The following DISC1 variants were observed in gnomAD, a reference collection of about 807,000 sequenced individuals.
DISC1 encodes DISC1 scaffold protein.
Under a neutral mutation model 84.5 loss-of-function variants are expected in DISC1, and 57 were observed. The ratio of observed to expected loss-of-function variants is 0.67; its 90% confidence interval spans 0.55 to 0.84. The LOEUF (loss-of-function observed/expected upper bound fraction) is 0.84. Ranked by LOEUF, DISC1 falls within the 40% of genes least tolerant of loss-of-function variation. DISC1 has a pLI of 0.00. For synonymous variants in DISC1, 411 were observed against 415.2 expected (o/e 0.99, Z 0.12); for missense variants, 1,000 against 1,057.8 (o/e 0.95, Z 0.76).
At chr1:231,652,254 T>A (rs760906064) in intron 1 of DISC1, among the ~76,000 whole-genome samples, 1 of 152,248 alleles carries the variant, frequency 6.6e-6, no homozygotes, top group Non-Finnish European at 1.5e-5. Flanking sequence ...TATACATGAA[T>A]GAGAATAACT....
chr1:231,810,660 T>C lies in DISC1; in HGVS notation c.1793-7669T>C, dbSNP rs78294393. 5.9e-3 allele frequency among the ~76,000 whole-genome samples: 897 copies of C among 152,090 alleles called. 8 individuals carry two copies. Among genetic ancestry groups the C allele is most frequent in the African/African-American group, 0.021 (866 of 41,500 alleles). On this transcript the variant is annotated intron_variant, in intron 8 of 12. Transcript: ENST00000439617. ...GGCGAAGGCTTCAGGTGTGCCCTGA[T>C]TGGAGGTTATCAATGCGGGGAAGCT...
chr1:231,909,414 A>G (rs1464180284), intron 9 of DISC1, among the ~76,000 whole-genome samples: 2 of 152,212 alleles, frequency 1.3e-5, no homozygotes, highest in Non-Finnish European at 2.9e-5. Flanking sequence ...CCTTTTCTGC[A>G]TCTATTGAGA....
intron 9 of DISC1, among the ~76,000 whole-genome samples, chr1:231,882,665 A>T (rs1381436845): frequency 2.0e-5 from 3 of 152,132 alleles, no homozygotes; most frequent in Admixed American, 2.0e-4. Flanking sequence ...AAGGCTTTCA[A>T]GTTTTTAGGT....
intron 9 of DISC1, among the ~76,000 whole-genome samples, chr1:231,933,049 A>T (rs1014110525): frequency 2.0e-5 from 3 of 152,252 alleles, no homozygotes; most frequent in African/African-American, 7.2e-5. Flanking sequence ...TGTTGAGGAT[A>T]AAAATGATGA....
chr1:231,904,242 C>G (rs945669258), intron 9 of DISC1, among the ~76,000 whole-genome samples: 5 of 152,200 alleles, frequency 3.3e-5, no homozygotes, highest in African/African-American at 4.8e-5. Flanking sequence ...TTGTTCCAGG[C>G]CAGACTTCCT....
chr1:231,761,567 G>A (rs1389772101), intron 4 of DISC1, among the ~76,000 whole-genome samples: 1 of 152,152 alleles, frequency 6.6e-6, no homozygotes, highest in Non-Finnish European at 1.5e-5. Flanking sequence ...ATTAAGTAAT[G>A]AATGTGATTA....
At chr1:231,671,092 A>G (rs2125456841) in intron 1 of DISC1, among the ~76,000 whole-genome samples, 1 of 152,290 alleles carries the variant, frequency 6.6e-6, no homozygotes, top group South Asian at 2.1e-4. Context: ...AGAATCAGTC[A>G]GGATTCATTC....
intron 9 of DISC1, among the ~76,000 whole-genome samples, chr1:231,912,647 C>G (rs907168610): frequency 1.9e-4 from 29 of 152,202 alleles, no homozygotes; most frequent in African/African-American, 7.0e-4. Context: ...CTTGAGGAGG[C>G]AGTCTGTCTG....
At chr1:231,777,363 G>C (rs1391145389) in intron 6 of DISC1, among the ~76,000 whole-genome samples, 1 of 152,038 alleles carries the variant, frequency 6.6e-6, no homozygotes, top group Non-Finnish European at 1.5e-5. Flanking sequence ...TAGGATTATA[G>C]GTGCATGTCA....
chr1:231,699,417 T>C (rs1376110735), intron 2 of DISC1, among the ~76,000 whole-genome samples: 2 of 152,070 alleles, frequency 1.3e-5, no homozygotes, highest in African/African-American at 4.8e-5. Flanking sequence ...ATTCTTCCAG[T>C]GGGTCAGAAA....
intron 10 of DISC1, among the ~76,000 whole-genome samples, chr1:231,965,343 C>T (rs1660939293): frequency 6.6e-6 from 1 of 152,012 alleles, no homozygotes; most frequent in Non-Finnish European, 1.5e-5. Flanking sequence ...CAATTTCCAC[C>T]TGTTTTAGGA....
chr1:232,005,824 G>A (rs761978216), intron 10 of DISC1, among the ~76,000 whole-genome samples: 4 of 152,142 alleles, frequency 2.6e-5, no homozygotes, highest in Non-Finnish European at 5.9e-5. Context: ...CAGCAGATTC[G>A]AGACAGTAGA....
chr1:231,851,443 C>G (rs78193553), intron 9 of DISC1, among the ~76,000 whole-genome samples: 1,569 of 152,312 alleles, frequency 0.01, 22 homozygotes, highest in African/African-American at 0.036. Flanking sequence ...ACAGTCAGCC[C>G]TGAGCAGCAG....
intron 3 of DISC1, among the ~76,000 whole-genome samples, chr1:231,709,392 G>A (rs1277019036): frequency 6.6e-6 from 1 of 151,994 alleles, no homozygotes; most frequent in Non-Finnish European, 1.5e-5. Context: ...TTTGCATCTG[G>A]GTACACGCTT....
Position 231,774,360 on chromosome 1 carries a change from A to G in DISC1, c.1634+3290A>G, listed in dbSNP as rs2076794403. 2.6e-5 allele frequency among the ~76,000 whole-genome samples: 4 copies of G among 152,200 alleles called. No individual in the cohort carries two copies. In the South Asian group the frequency reaches 8.3e-4, roughly 31 times the overall value. ...ACCTGGACAATCTAATGACTAGTTA[A>G]TAACATGACCTTTTTCTCCTGCGAT... On this transcript the variant is annotated intron_variant, in intron 6 of 12. Transcript: ENST00000439617.
intron 9 of DISC1, among the ~76,000 whole-genome samples, chr1:231,953,201 C>T (rs769250002): frequency 3.9e-5 from 6 of 152,188 alleles, no homozygotes; most frequent in African/African-American, 9.7e-5. Flanking sequence ...ATTGATATCA[C>T]GCGTGTCCCC....
intron 9 of DISC1, among the ~76,000 whole-genome samples, chr1:231,834,880 G>A (rs571144693): frequency 2.6e-5 from 4 of 152,332 alleles, no homozygotes; most frequent in African/African-American, 9.6e-5. Flanking sequence ...ACATCCCCGT[G>A]TGATTAAACA....
At chr1:231,945,698 A>G (rs1172995953) in intron 9 of DISC1, among the ~76,000 whole-genome samples, 1 of 152,190 alleles carries the variant, frequency 6.6e-6, no homozygotes, top group Non-Finnish European at 1.5e-5. Context: ...AAGATCAACA[A>G]GACAGATAGA....
chr1:231,881,619 T>A (rs1019708740), intron 9 of DISC1, among the ~76,000 whole-genome samples: 2 of 152,106 alleles, frequency 1.3e-5, no homozygotes, highest in African/African-American at 4.8e-5. Flanking sequence ...GGGGGGCACA[T>A]AATTCAACCC....
Sources: gnomAD v4.1 joint callset for allele counts (sites outside exome capture counted in the v4.1 genomes callset) on GRCh38, gnomAD v4.1.1 for gene constraint, MANE v1.5 for transcripts, NCBI Gene and HGNC (gene_info 2026-07-23, HGNC 2026-07-21) for gene names.